Variants in PTGIS observed in about 807,000 individuals in gnomAD.
The protein encoded by PTGIS is prostacyclin synthase.
PTGIS carries 45 observed loss-of-function variants against 50.3 expected under a neutral mutation model. The ratio of observed to expected loss-of-function variants is 0.90; its 90% CI spans 0.70 to 1.15. The LOEUF (loss-of-function observed/expected upper bound fraction) is 1.15, where lower values mean the gene tolerates loss of function less well. Among genes scored for constraint, PTGIS ranks in the 50% most tolerant of loss-of-function variants. The pLI, the probability that PTGIS is intolerant of heterozygous loss-of-function variation, is 0.00. For missense variants in PTGIS, 668 were observed against 661.3 expected (o/e 1.01, Z -0.11); for synonymous variants, 260 against 267.7 (o/e 0.97, Z 0.28).
chr20:49,536,904 G>T (rs574748344), intron 5 of PTGIS, among the ~76,000 whole-genome samples: 1 of 152,178 alleles, frequency 6.6e-6, no homozygotes, highest in Non-Finnish European at 1.5e-5. Flanking sequence ...GATGCTGGGA[G>T]GGGGAGCTGG....
intron 6 of PTGIS, among the ~76,000 whole-genome samples, chr20:49,520,277 C>T (rs543529536): frequency 1.3e-5 from 2 of 152,180 alleles, no homozygotes; most frequent in African/African-American, 2.4e-5. Flanking sequence ...TTCAGTGAGG[C>T]CTTCCTGGGC....
At chr20:49,547,048 A>T (rs1402352092) in intron 3 of PTGIS, among the ~76,000 whole-genome samples, 1 of 152,194 alleles carries the variant, frequency 6.6e-6, no homozygotes, top group Non-Finnish European at 1.5e-5. Flanking sequence ...CCTGGACAAC[A>T]TGATGAAATC....
rs1173168491 is a variant in PTGIS at position 49,522,980 on chromosome 20, T to C, written c.855+1078A>G. On this transcript the variant is annotated intron_variant, in intron 6 of 9. Transcript: ENST00000244043. ...CAGAGGTTGCCGTGAGCCGAGATTATGCCACTGCACTCCAGCCTGGCGACA... is the reference window on the plus strand; with the variant it reads ...CAGAGGTTGCCGTGAGCCGAGATTACGCCACTGCACTCCAGCCTGGCGACA... Among the ~76,000 whole-genome samples, 5 of 152,076 alleles carry C rather than the reference T, an allele frequency of 3.3e-5. No individual in the cohort carries two copies. The South Asian group carries it at 6.2e-4, about 19-fold the overall frequency.
intron 6 of PTGIS, among the ~76,000 whole-genome samples, chr20:49,517,808 G>A (rs756209747): frequency 9.8e-5 from 15 of 152,326 alleles, no homozygotes; most frequent in South Asian, 2.1e-4. Context: ...CTTCCTTGTC[G>A]TTGGTAACAG....
chr20:49,565,472 C>T (rs1359922973), intron 1 of PTGIS, among the ~76,000 whole-genome samples: 1 of 152,020 alleles, frequency 6.6e-6, no homozygotes. Flanking sequence ...TTGAGACCAT[C>T]CTGGACAACA....
chr20:49,524,109 C>T lies in PTGIS; in HGVS notation c.804G>A (p.Val268=), dbSNP rs768870447. ...GGGCCCGTGCCTGCATCTCCTCTGA[C>T]ACACCCATCTCCTCCAGGTGCAGCA... ...SYLLHLEEMG[V]SEEMQARALV... The change falls in exon 6 of 10, where the codon GTG becomes GTA. Residue 268 remains valine (V), a synonymous_variant. Transcript: ENST00000244043. 1 of 1,614,258 alleles carries T rather than the reference C, an allele frequency of 6.2e-7. No homozygotes were observed. Among genetic ancestry groups the T allele is most frequent in the South Asian group, 1.1e-5 (1 of 91,084 alleles).
intron 3 of PTGIS, among the ~76,000 whole-genome samples, chr20:49,545,587 C>A (rs535560437): frequency 6.6e-6 from 1 of 151,926 alleles, no homozygotes; most frequent in South Asian, 2.1e-4. Context: ...CTATACTGAG[C>A]CTCCATGATA....
chr20:49,533,487 C>T (rs2122867748), intron 5 of PTGIS, among the ~76,000 whole-genome samples: 1 of 152,098 alleles, frequency 6.6e-6, no homozygotes, highest in African/African-American at 2.4e-5. Flanking sequence ...AAAGGATTAA[C>T]TTTCTTTTAA....
chr20:49,530,749 AG>A (rs1487488359), intron 5 of PTGIS, among the ~76,000 whole-genome samples: 1 of 151,916 alleles, frequency 6.6e-6, no homozygotes, highest in Non-Finnish European at 1.5e-5. Context: ...TCCATTTTGC[AG>A]TCAGGTTATT....
intron 3 of PTGIS, among the ~76,000 whole-genome samples, chr20:49,547,178 G>A (rs1426651488): frequency 6.6e-6 from 1 of 152,212 alleles, no homozygotes; most frequent in African/African-American, 2.4e-5. Flanking sequence ...GTTACAGTGA[G>A]CCAAGATTAT....
chr20:49,528,019 A>C (rs1405779592), intron 5 of PTGIS, among the ~76,000 whole-genome samples: 1 of 151,994 alleles, frequency 6.6e-6, no homozygotes, highest in African/African-American at 2.4e-5. Context: ...AGGCACCTGT[A>C]ATCCCAGTTA....
intron 5 of PTGIS, among the ~76,000 whole-genome samples, chr20:49,524,717 G>A (rs1310397402): frequency 3.9e-5 from 6 of 151,994 alleles, no homozygotes; most frequent in East Asian, 1.9e-4. Flanking sequence ...CTTACATGGC[G>A]GCAAGCAAGA....
chr20:49,529,532 C>G (rs983010333), intron 5 of PTGIS, among the ~76,000 whole-genome samples: 3 of 152,160 alleles, frequency 2.0e-5, no homozygotes, highest in African/African-American at 7.2e-5. Context: ...TTTCCATCAC[C>G]CATAGTCAAC....
chr20:49,515,112 T>C (rs6019880), intron 6 of PTGIS, among the ~76,000 whole-genome samples: 42,997 of 152,130 alleles, frequency 0.28, 6,265 homozygotes, highest in Middle Eastern at 0.34. Context: ...CTAACTGGTG[T>C]GATATCTAAA....
At chr20:49,517,244 C>T (rs1363965303) in intron 6 of PTGIS, among the ~76,000 whole-genome samples, 1 of 152,216 alleles carries the variant, frequency 6.6e-6, no homozygotes, top group Non-Finnish European at 1.5e-5. Context: ...CAGGCAAATG[C>T]GGATGATAAA....
rs1234535404 is a variant in PTGIS at position 49,540,772 on chromosome 20, A to G, written c.522-1051T>C. 6.6e-6 allele frequency among the ~76,000 whole-genome samples: 1 copy of G among 152,160 alleles called. No homozygotes were observed. The highest frequency in any genetic ancestry group is 1.5e-5 in the Non-Finnish European group (1 of 68,000). ...AGCCCCAGCCCAGCGGGCTGACCTC[A>G]GTCCTGGGAGGGAAACTGCAGGCTT... On this transcript the variant is annotated intron_variant, in intron 4 of 9. Transcript: ENST00000244043. The surrounding 1 kb of genome is among the most constrained non-coding windows in gnomAD (Gnocchi z 4.8).
chr20:49,517,362 G>A (rs1165521967), intron 6 of PTGIS, among the ~76,000 whole-genome samples: 5 of 152,226 alleles, frequency 3.3e-5, no homozygotes, highest in South Asian at 4.1e-4. Flanking sequence ...ACACATGGGC[G>A]CTTGGCTATC....
intron 5 of PTGIS, among the ~76,000 whole-genome samples, chr20:49,530,984 C>T (rs1001528062): frequency 1.3e-5 from 2 of 152,144 alleles, no homozygotes; most frequent in Non-Finnish European, 2.9e-5. Flanking sequence ...TGGTCTCGAT[C>T]TCTTGACCTC....
At chr20:49,549,333 AAC>A (rs1982445719) in intron 2 of PTGIS, among the ~76,000 whole-genome samples, 1 of 152,202 alleles carries the variant, frequency 6.6e-6, no homozygotes, top group African/African-American at 2.4e-5. Flanking sequence ...TATAATACCT[AAC>A]ACAATGTAAA....
Sources: allele counts gnomAD v4.1 joint callset (sites outside exome capture counted in the v4.1 genomes callset), GRCh38; gene constraint gnomAD v4.1.1; non-coding constraint Gnocchi (gnomAD v3.1); transcripts MANE v1.5; gene names NCBI Gene and HGNC (gene_info 2026-07-23, HGNC 2026-07-21).